EIF2AK4: variants seen among roughly 807,000 people sequenced by gnomAD.
EIF2AK4 encodes the protein eIF-2-alpha kinase GCN2.
A neutral mutation model predicts 211.1 loss-of-function variants in EIF2AK4; 139 were observed. The observed-to-expected ratio is 0.66, with a 90% CI of 0.57 to 0.76. EIF2AK4 has a LOEUF of 0.76. Among genes scored for constraint, EIF2AK4 ranks in the 30% least tolerant of loss-of-function variants. EIF2AK4 has a pLI of 0.00. For missense variants in EIF2AK4, 1,664 were observed against 2,043.8 expected (o/e 0.81, Z 3.58); for synonymous variants, 710 against 751.3 (o/e 0.94, Z 0.90).
At chr15:39,974,980 G>A (rs747122281) in intron 11 of EIF2AK4, 17 of 152,176 alleles carry the variant, frequency 1.1e-4, no homozygotes, top group Admixed American at 7.2e-4. Flanking sequence ...AACCCAGTTC[G>A]TATATGATGT....
chr15:39,946,752 C>T (rs541716569), intron 3 of EIF2AK4: 1 of 672,404 alleles, frequency 1.5e-6, no homozygotes, highest in East Asian at 2.7e-5. Context: ...GCCGCAACCA[C>T]CCCAGCCTTC....
At position 40,035,165 on chromosome 15, in the gene EIF2AK4, TTTAAAA is replaced by T. The variant is rs1317506213; in HGVS notation, c.*87_*92del. The T allele has an allele frequency of 6.9e-6, 8 of 1,152,390 alleles. No individual in the cohort carries two copies. Among genetic ancestry groups the T allele is most frequent in the Non-Finnish European group, 7.1e-6 (6 of 840,452 alleles). 71.4% of individuals were successfully genotyped at this position (1,152,390 alleles called of 1,614,324 possible). A position where few individuals can be genotyped will look rare whatever the true frequency, so the allele number is the denominator to read the frequency against. On this transcript the variant is annotated 3_prime_UTR_variant, in exon 39 of 39. Coordinates refer to ENST00000263791, the MANE Select transcript of EIF2AK4 (RefSeq NM_001013703.4). ...ATGGAATGTTGTACATTCATCATAA[TTTAAAA>T]TTAAATTCTAAGAAGAGGCTGGGTG...
At chr15:39,943,244 G>A in intron 2 of EIF2AK4, 139 bp from the exon 3 acceptor site, 2 of 596,732 alleles carry the variant, frequency 3.4e-6, no homozygotes, top group South Asian at 2.6e-5. Context: ...GTCAACTGGA[G>A]TTGCAGGGAT....
At chr15:40,024,789 C>T (rs919776580) in intron 32 of EIF2AK4, among the ~76,000 whole-genome samples, 8 of 146,906 alleles carry the variant, frequency 5.4e-5, no homozygotes, top group South Asian at 2.2e-4. Context: ...AGTGCAGTGG[C>T]GCGATCTCAG....
rs1259225966 is a variant in EIF2AK4, at chr15:40,011,275, C to T, written c.3694-6C>T. ...CTCTCATTGTTACCTTTTTCTTCCA[C>T]GTTAGACAGAGAAGCTGACGAGGAG... On this transcript the variant is annotated splice_polypyrimidine_tract_variant and splice_region_variant and intron_variant, in intron 26 of 38. Transcript: ENST00000263791. 44 of 1,613,322 alleles carry T rather than the reference C, an allele frequency of 2.7e-5. No homozygotes were observed. Among genetic ancestry groups the T allele is most frequent in the Non-Finnish European group, 3.1e-5 (36 of 1,179,670 alleles).
chr15:39,998,675 A>G, intron 19 of EIF2AK4, 56 bp from the exon 20 acceptor site: 1 of 1,367,040 alleles, frequency 7.3e-7, no homozygotes, highest in South Asian at 1.2e-5. Context: ...TGGTGAATAA[A>G]TGCTTTCACT....
Position 39,973,676 on chromosome 15 carries a change from A to G in EIF2AK4, c.1745A>G (p.Gln582Arg). 1 of 1,614,204 alleles carries G rather than the reference A, an allele frequency of 6.2e-7. No individual in the cohort carries two copies. The highest frequency in any genetic ancestry group is 1.7e-5 in the Admixed American group (1 of 60,030). Reference protein sequence around the residue: ...SAAFFSETQRQFSRYFIEFEE... With the variant: ...SAAFFSETQRRFSRYFIEFEE... ...GCCTTCTTTAGTGAGACACAGAGAC[A>G]GTTTTCCCGATACTTCATTGAGTTT... The change falls in exon 11 of 39, where the codon CAG (glutamine) becomes CGG (arginine). Residue 582 changes from glutamine to arginine, a missense_variant. Transcript: ENST00000263791.
At chr15:39,982,996 C>T (rs915937945) in intron 13 of EIF2AK4, among the ~76,000 whole-genome samples, 3 of 152,164 alleles carry the variant, frequency 2.0e-5, no homozygotes, top group African/African-American at 4.8e-5. Context: ...AATAGTGCCG[C>T]AATAAACATA....
At chr15:39,958,148 G>A (rs574997077) in intron 6 of EIF2AK4, among the ~76,000 whole-genome samples, 39 of 152,300 alleles carry the variant, frequency 2.6e-4, no homozygotes, top group African/African-American at 7.9e-4. Context: ...GTGAAGTGCA[G>A]ACATAGTCCC....
Position 39,976,778 on chromosome 15 carries a change from C to G in EIF2AK4, c.2183C>G (p.Pro728Arg), listed in dbSNP as rs768979198. Residue 728 changes from proline (P) to arginine (R), a missense_variant, in exon 12 of 39, where the codon CCG becomes CGG. Transcript: ENST00000263791. ...AGTGCCCGTTTCCCCGCCACCGGCC[C>G]GGGCTCCAGCGATGACGAGGACGAC... ...SASARFPATG[P>R]GSSDDEDDDE... 6.3e-7 allele frequency: 1 copy of G among 1,587,572 alleles called. No individual in the cohort carries two copies.
In EIF2AK4 at chr15:40,029,397, T is replaced by A; in HGVS notation, c.4503-9T>A. ...TGTTCTTTAATTGTTTTTGTTTGCT[T>A]GTTTTTAGAGAAGCTTCCGATAATC... On this transcript the variant is annotated splice_polypyrimidine_tract_variant and intron_variant, in intron 33 of 38. Coordinates refer to ENST00000263791, the MANE Select transcript of EIF2AK4 (RefSeq NM_001013703.4). The A allele has an allele frequency of 1.2e-6, 2 of 1,612,566 alleles. No homozygotes were observed. Among genetic ancestry groups the A allele is most frequent in the Non-Finnish European group, 8.5e-7 (1 of 1,179,808 alleles).
At chr15:39,974,422 C>G (rs1300002300) in intron 11 of EIF2AK4, 1 of 152,014 alleles carries the variant, frequency 6.6e-6, no homozygotes, top group Non-Finnish European at 1.5e-5. Context: ...TGAAGGTAAC[C>G]CACCATCAAC....
rs35602605 is a variant in EIF2AK4, at chr15:40,016,658, G to A, written c.3916G>A (p.Gly1306Ser). Residue 1306 changes from glycine (G) to serine (S), a missense_variant, in exon 28 of 39, where the codon GGC becomes AGC. Physicochemically the swap from Gly to Ser is moderately conservative, Grantham distance 56. Around this residue, in one of 7 missense-constraint regions of EIF2AK4, gnomAD observed 622 missense variants for 796.8 expected, o/e 0.78. Transcript: ENST00000263791. ...GGTTGTTGGACTGTTGAAGAAACTC[G>A]GCATCAAGTTACAGGTTTGGCAACA... ...EEVVGLLKKL[G>S]IKLQVLINLG... 5.4e-5 allele frequency: 87 copies of A among 1,613,798 alleles called. No homozygotes were observed. The highest frequency in any genetic ancestry group is 3.2e-4 in the South Asian group (29 of 91,028).
chr15:39,990,418 C>G (rs548787595), intron 16 of EIF2AK4, 41 bp downstream of exon 16: 1 of 1,515,478 alleles, frequency 6.6e-7, no homozygotes, highest in African/African-American at 1.4e-5. Context: ...AAAACAGACT[C>G]AGATGTCTTG....
chr15:40,009,844 C>A, intron 26 of EIF2AK4, 114 bp downstream of exon 26: 2 of 741,430 alleles, frequency 2.7e-6, no homozygotes, highest in Non-Finnish European at 4.5e-6. Flanking sequence ...AATTGGGAGC[C>A]TTATCTCCTT....
chr15:39,942,137 A>G (rs1405968735), intron 2 of EIF2AK4, among the ~76,000 whole-genome samples: 1 of 152,206 alleles, frequency 6.6e-6, no homozygotes, highest in Non-Finnish European at 1.5e-5. Context: ...TATAACAAAA[A>G]TCTTAATTTG....
intron 9 of EIF2AK4, among the ~76,000 whole-genome samples, chr15:39,971,961 G>A (rs754527015): frequency 4.6e-5 from 7 of 152,078 alleles, no homozygotes; most frequent in Non-Finnish European, 1.0e-4. Context: ...GAGAAGCCCT[G>A]GGTTAAAGGT....
intron 14 of EIF2AK4, among the ~76,000 whole-genome samples, chr15:39,986,959 C>G (rs1471830129): frequency 1.3e-5 from 2 of 152,162 alleles, no homozygotes; most frequent in African/African-American, 2.4e-5. Context: ...TAACTGCAAG[C>G]AGGCAGATCT....
rs558724777 is a variant in EIF2AK4, at chr15:39,996,342, A to G, written c.2767-622A>G. Among the ~76,000 whole-genome samples, 17 of 152,324 alleles carry G rather than the reference A, an allele frequency of 1.1e-4. No homozygotes were observed. In the East Asian group the frequency reaches 3.3e-3, roughly 29 times the overall value. ...TCAATCTCAGTTGTCCTTGCTCTTC[A>G]GCCATTATTTCCAGTTTTCAGCCAG... On this transcript the variant is annotated intron_variant, in intron 18 of 38. Coordinates refer to ENST00000263791, the MANE Select transcript of EIF2AK4 (RefSeq NM_001013703.4).
Sources: gnomAD v4.1 joint callset for allele counts (sites outside exome capture counted in the v4.1 genomes callset) on GRCh38, gnomAD v4.1.1 for gene constraint, gnomAD v4.1.1 regional missense constraint, MANE v1.5 for transcripts, NCBI Gene and HGNC (gene_info 2026-07-23, HGNC 2026-07-21) for gene names.